The following CFAP410 variants were observed in gnomAD, a reference collection of about 807,000 sequenced individuals.
CFAP410 encodes the protein cilia- and flagella-associated protein 410.
In CFAP410, 27 loss-of-function variants were observed where a neutral mutation model predicts 25.7. The ratio of observed to expected loss-of-function variants is 1.05; its 90% CI spans 0.77 to 1.45. The LOEUF is 1.45. Among genes scored for constraint, CFAP410 ranks in the 40% most tolerant of loss-of-function variants. The pLI, the probability that CFAP410 is intolerant of heterozygous loss-of-function variation, is 0.00. For missense variants in CFAP410, 428 were observed against 354.1 expected, an observed-to-expected ratio of 1.21 and a Z score of -1.67; for synonymous variants, 178 against 158.4, an observed-to-expected ratio of 1.12 and a Z score of -0.93.
chr21:44,334,408 C>G, intron 3 of CFAP410: 4 of 389,966 alleles, frequency 1.0e-5, no homozygotes, highest in South Asian at 3.7e-5. Flanking sequence ...GTCAGGTAAG[C>G]CTTTCGGAGG....
intron 1 of CFAP410, chr21:44,338,664 G>C (rs1005215822): frequency 5.5e-5 from 5 of 90,876 alleles, no homozygotes; most frequent in African/African-American, 2.6e-4. Context: ...CCGGGAAATG[G>C]GGGGGGGCCC....
At chr21:44,331,506 T>C (rs2047647332) in intron 5 of CFAP410, 1 of 353,748 alleles carries the variant, frequency 2.8e-6, no homozygotes. Context: ...TTCCAGTCAC[T>C]GTGGCCCTAG....
chr21:44,332,972 G>C, intron 4 of CFAP410, 61 bp downstream of exon 4: 1 of 1,129,808 alleles, frequency 8.9e-7, no homozygotes. Context: ...AAAGAGGGCT[G>C]GGGACATCCC....
At chr21:44,332,887 A>G in intron 4 of CFAP410, 146 bp downstream of exon 4, 1 of 631,732 alleles carries the variant, frequency 1.6e-6, no homozygotes, top group South Asian at 2.0e-5. Flanking sequence ...AGCCAGGGGA[A>G]CAGCCTCTGG....
chr21:44,334,531 C>CCCCT (rs2047717624), intron 3 of CFAP410: 2,250 of 24,908 alleles, frequency 0.09, 219 homozygotes, highest in African/African-American at 0.28. Context: ...CCCCCCCCCC[C>CCCCT]CCGCTCAACC....
At chr21:44,331,142 G>A (rs888273616) in intron 5 of CFAP410, 57 of 578,818 alleles carry the variant, frequency 9.8e-5, no homozygotes, top group Non-Finnish European at 1.4e-4. Context: ...GCGCCCTCCC[G>A]GCACCCTGGG....
At chr21:44,337,083 TAAAAA>T (rs35988245) in intron 2 of CFAP410, among the ~76,000 whole-genome samples, 2 of 121,858 alleles carry the variant, frequency 1.6e-5, no homozygotes, top group Non-Finnish European at 1.8e-5. Context: ...AGACTCCGTG[TAAAAA>T]AAAAAAAAAA....
chr21:44,331,629 C>T (rs552827983), intron 5 of CFAP410: 25 of 558,370 alleles, frequency 4.5e-5, no homozygotes, highest in African/African-American at 2.0e-4. Flanking sequence ...CTGGCACATC[C>T]GCTGTTGGGC....
In CFAP410 at chr21:44,332,439, A is replaced by G. The variant is rs2047669110; in HGVS notation, c.374-425T>C. ...GTATACCTGACAAGGATGAGACACTAGTGTGCTGAGAATGCCAAGGATGAA... is the reference window on the plus strand; with the variant it reads ...GTATACCTGACAAGGATGAGACACTGGTGTGCTGAGAATGCCAAGGATGAA... On this transcript the variant is annotated intron_variant, in intron 4 of 6. Coordinates refer to ENST00000339818, the MANE Select transcript of CFAP410 (RefSeq NM_004928.3). 6 of 169,294 alleles carry G rather than the reference A, an allele frequency of 3.5e-5. No individual in the cohort carries two copies. In the South Asian group the frequency reaches 1.1e-3, roughly 30 times the overall value. 10.5% of individuals were successfully genotyped at this position (169,294 alleles called of 1,614,324 possible).
intron 3 of CFAP410, chr21:44,334,949 C>G (rs2047725491): frequency 6.5e-6 from 1 of 154,546 alleles, no homozygotes; most frequent in African/African-American, 2.4e-5. Context: ...GAAGGTAGGT[C>G]ACAGTCAGGG....
At chr21:44,337,499 C>G in intron 2 of CFAP410, 150 bp downstream of exon 2, 1 of 623,946 alleles carries the variant, frequency 1.6e-6, no homozygotes, top group South Asian at 2.3e-5. Context: ...ATGAAAACCG[C>G]TAAGTGAACA....
Position 44,330,277 on chromosome 21 carries a change from C to T in CFAP410, c.692G>A (p.Gly231Glu). The T allele has an allele frequency of 4.4e-6, 7 of 1,608,126 alleles. No homozygotes were observed. Among genetic ancestry groups the T allele is most frequent in the Non-Finnish European group, 5.9e-6 (7 of 1,178,374 alleles). Residue 231 changes from glycine to glutamate, a missense_variant, in exon 7 of 7, where the codon GGG becomes GAG. Gly to Glu is a moderately conservative substitution (Grantham distance 98). Transcript: ENST00000339818. Reference sequence around the variant, plus strand: ...CACAGTCTGCTGCACGGCCTCCAGCCCCTCTGCATCCAGCTCCCGCAGCAG... The same window carrying T: ...CACAGTCTGCTGCACGGCCTCCAGCTCCTCTGCATCCAGCTCCCGCAGCAG... ...LLLLRELDAE[G>E]LEAVQQTVGS...
chr21:44,332,860 T>C (rs1188772872), intron 4 of CFAP410, 173 bp downstream of exon 4: 1 of 609,868 alleles, frequency 1.6e-6, no homozygotes, highest in Non-Finnish European at 3.0e-6. Context: ...GGTGGCGGGA[T>C]CAAGAGGAGA....
chr21:44,338,265 A>C (rs1464469365), intron 1 of CFAP410: 2 of 1,282,836 alleles, frequency 1.6e-6, no homozygotes, highest in Non-Finnish European at 2.0e-6. Flanking sequence ...CCTGGGAGGA[A>C]GCGTCTGCTC....
chr21:44,331,990 C>T lies in CFAP410; in HGVS notation c.398G>A (p.Arg133His), dbSNP rs144430869. 4.0e-4 allele frequency: 643 copies of T among 1,605,604 alleles called. No homozygotes were observed. Among genetic ancestry groups the T allele is most frequent in the Non-Finnish European group, 5.0e-4 (592 of 1,176,200 alleles). Residue 133 changes from arginine to histidine, a missense_variant, in exon 5 of 7, where the codon CGT (arginine) becomes CAT (histidine). Arg to His is a conservative substitution (Grantham distance 29, BLOSUM62 0). Coordinates refer to ENST00000339818, the MANE Select transcript of CFAP410 (RefSeq NM_004928.3). The part of the protein sequence containing the change: ...NQAVTEEELS[R>H]ALSEGEEITA... Reference sequence around the variant, plus strand: ...GATCTCCTCTCCCTCACTCAGTGCACGGGACAGCTCCTCCTCCGTCACAGC... The same window carrying T: ...GATCTCCTCTCCCTCACTCAGTGCATGGGACAGCTCCTCCTCCGTCACAGC...
intron 1 of CFAP410, 73 bp from the exon 2 acceptor site, chr21:44,337,740 A>G: frequency 1.5e-6 from 2 of 1,303,568 alleles, no homozygotes; most frequent in South Asian, 2.4e-5. Context: ...AAAATTCCAA[A>G]AATCACCGAT....
In CFAP410 at chr21:44,333,160, G is replaced by T; in HGVS notation, c.246C>A (p.Tyr82Ter). Residue 82 changes from tyrosine (Y) to a stop codon, truncating the protein, a stop_gained, in exon 4 of 7, where the codon TAC becomes TAA. Coordinates refer to ENST00000339818, the MANE Select transcript of CFAP410 (RefSeq NM_004928.3). LOFTEE classifies it high-confidence loss of function. ...NRIPSLAELF[Y>*]LKGLPRLRVL... ...CCCGCAGACGCGGCAGCCCCTTCAG[G>T]TAGAAGAGCTCAGCCAGGCTGGGGA... is the stretch of plus-strand genomic sequence containing the variant. The T allele has an allele frequency of 6.2e-7, 1 of 1,612,690 alleles. No homozygotes were observed.
Position 44,339,216 on chromosome 21 carries a change from G to T in CFAP410, c.-22C>A. 1 of 1,421,356 alleles carries T rather than the reference G, an allele frequency of 7.0e-7. No homozygotes were observed. Among genetic ancestry groups the T allele is most frequent in the South Asian group, 1.5e-5 (1 of 68,670 alleles). 88.0% of individuals were successfully genotyped at this position (1,421,356 alleles called of 1,614,324 possible). A position where few individuals can be genotyped will look rare whatever the true frequency, so the allele number is the denominator to read the frequency against. On this transcript the variant is annotated 5_prime_UTR_variant, in exon 1 of 7. Transcript: ENST00000339818. ...TCATGGCGGCCGCCCAGGCCCGACC[G>T]GCGGGCGCCCCCGGCCTCCTGATCC...
chr21:44,333,923 C>T (rs1039684593), intron 3 of CFAP410: 14 of 360,348 alleles, frequency 3.9e-5, no homozygotes, highest in African/African-American at 2.8e-4. Flanking sequence ...CACTCGCGTC[C>T]GGCAGGCGCC....
Sources: allele counts gnomAD v4.1 joint callset (sites outside exome capture counted in the v4.1 genomes callset), GRCh38; gene constraint gnomAD v4.1.1; transcripts MANE v1.5; gene names NCBI Gene and HGNC (gene_info 2026-07-23, HGNC 2026-07-21).